CELF2: variants seen among roughly 807,000 people sequenced by gnomAD.
CELF2 encodes the protein CUG triplet repeat RNA-binding protein 2.
CELF2 carries 8 observed loss-of-function variants against 62.6 expected under a neutral mutation model. That is an observed-to-expected ratio of 0.13 (90% CI 0.07 to 0.23). The LOEUF is 0.23. Among genes scored for constraint, CELF2 ranks in the 10% least tolerant of loss-of-function variants. CELF2 has a pLI of 1.00. For missense variants in CELF2, 333 were observed against 671.0 expected (o/e 0.50, Z 5.56); for synonymous variants, 258 against 250.0 (o/e 1.03, Z -0.30).
chr10:10,963,162 T>C (rs1018046928), intron 2 of CELF2, among the ~76,000 whole-genome samples: 2 of 152,120 alleles, frequency 1.3e-5, no homozygotes, highest in African/African-American at 4.8e-5. Flanking sequence ...TGCCTCAGCC[T>C]CCTGCCTCAG....
the CELF2 span, among the ~76,000 whole-genome samples, chr10:10,656,788 G>C: frequency 1.4e-5 from 2 of 142,944 alleles, no homozygotes; most frequent in African/African-American, 2.6e-5. Context: ...GAGTTAGTGG[G>C]TGCAGCGCAC....
chr10:10,833,011 CTCTGTGTGTG>C (rs2057998806), intron 1 of CELF2, among the ~76,000 whole-genome samples: 1 of 102,780 alleles, frequency 9.7e-6, no homozygotes, highest in Non-Finnish European at 2.1e-5. Context: ...ACACAGAAAA[CTCTGTGTGTG>C]TGTGTGTGTG....
chr10:11,335,587 G>A lies in CELF2; in HGVS notation c.*6534G>A, dbSNP rs894474999. ...GCCACCAGCTCCAGCCTGCACGGATGGAGCTCACTTCCTACCATCACTTCT... is the reference window on the plus strand; with the variant it reads ...GCCACCAGCTCCAGCCTGCACGGATAGAGCTCACTTCCTACCATCACTTCT... On this transcript the variant is annotated 3_prime_UTR_variant, in exon 13 of 13. Coordinates refer to ENST00000633077, the MANE Select transcript of CELF2 (RefSeq NM_001326342.2). This position sits in a 1 kb window ranked among gnomAD's most constrained non-coding sequence, Gnocchi z 5.0. 6.6e-6 allele frequency: 1 copy of A among 152,230 alleles called. No homozygotes were observed. The highest frequency in any genetic ancestry group is 1.5e-5 in the Non-Finnish European group (1 of 68,060). The allele number at this position is 152,230 out of a possible 1,614,324, so 9.4% of individuals were successfully genotyped here.
chr10:10,874,123 G>A (rs1057011310), intron 1 of CELF2, among the ~76,000 whole-genome samples: 11 of 152,132 alleles, frequency 7.2e-5, no homozygotes, highest in Non-Finnish European at 7.3e-5. Flanking sequence ...ACCAGCCAGG[G>A]CAACGTAGCA....
chr10:10,749,233 G>T, the CELF2 span, among the ~76,000 whole-genome samples: 3 of 152,124 alleles, frequency 2.0e-5, no homozygotes, highest in African/African-American at 7.2e-5. Context: ...CATGATTCTA[G>T]ATCTACAGGA....
rs563394267 is a variant in CELF2 at position 11,255,584 on chromosome 10, G to A, written c.404-2154G>A. On this transcript the variant is annotated intron_variant, in intron 4 of 12. Transcript: ENST00000633077. This position sits in a 1 kb window ranked among gnomAD's most constrained non-coding sequence, Gnocchi z 5.5. ...CGTAGTTTACAAGTATTGTGGAATC[G>A]TGCCTTTCAACTTGTATTCCTTGGA... 2.6e-5 allele frequency among the ~76,000 whole-genome samples: 4 copies of A among 152,200 alleles called. No individual in the cohort carries two copies. Among genetic ancestry groups the A allele is most frequent in the South Asian group, 4.2e-4 (2 of 4,814 alleles).
At chr10:10,616,719 T>TGTGA in the CELF2 span, among the ~76,000 whole-genome samples, 89 of 55,254 alleles carry the variant, frequency 1.6e-3, no homozygotes, top group East Asian at 0.026. Flanking sequence ...TGTGTGTGTG[T>TGTGA]GAGAGAGAGA....
chr10:10,604,071 A>G, the CELF2 span, among the ~76,000 whole-genome samples: 42,887 of 151,940 alleles, frequency 0.28, 6,417 homozygotes, highest in South Asian at 0.51. Flanking sequence ...ATTGCCAGGT[A>G]TAGTGGTGGG....
chr10:10,769,958 G>A, the CELF2 span, among the ~76,000 whole-genome samples: 1 of 152,072 alleles, frequency 6.6e-6, no homozygotes, highest in Non-Finnish European at 1.5e-5. Flanking sequence ...TCCAACCAAA[G>A]GATGATGAAG....
the CELF2 span, among the ~76,000 whole-genome samples, chr10:10,769,033 C>T: frequency 7.2e-5 from 11 of 152,106 alleles, no homozygotes; most frequent in African/African-American, 2.4e-4. Context: ...GAGTTTTTGT[C>T]CTCTTCTCAT....
chr10:10,603,056 A>C, the CELF2 span, among the ~76,000 whole-genome samples: 1 of 152,060 alleles, frequency 6.6e-6, no homozygotes, highest in African/African-American at 2.4e-5. Context: ...CCAAGTAGAC[A>C]TAAAGCTGTT....
chr10:10,715,520 A>C, the CELF2 span, among the ~76,000 whole-genome samples: 2 of 152,222 alleles, frequency 1.3e-5, no homozygotes, highest in African/African-American at 4.8e-5. Flanking sequence ...AATTAAAAGA[A>C]AAAACTTAAA....
rs1279307418 is a variant in CELF2, at chr10:11,098,048, C to G, written c.75-67438C>G. The G allele has an allele frequency of 6.6e-6, 1 of 152,314 alleles. No individual in the cohort carries two copies. The highest frequency in any genetic ancestry group is 1.9e-4 in the East Asian group (1 of 5,202). The allele number at this position is 152,314 out of a possible 1,614,324, so 9.4% of individuals were successfully genotyped here. On this transcript the variant is annotated intron_variant, in intron 1 of 12. Coordinates refer to ENST00000633077, the MANE Select transcript of CELF2 (RefSeq NM_001326342.2). The surrounding 1 kb of genome is among the most constrained non-coding windows in gnomAD (Gnocchi z 4.0). ...CAGGCTGTGAGGCCTCATCACTGAA[C>G]CAGGGCTGTCCCTGGGTACTCACCA...
chr10:10,568,085 G>A, the CELF2 span, among the ~76,000 whole-genome samples: 1 of 152,084 alleles, frequency 6.6e-6, no homozygotes, highest in Non-Finnish European at 1.5e-5. Context: ...AGCAAAGGGT[G>A]ATAAGATAGG....
intron 9 of CELF2, among the ~76,000 whole-genome samples, chr10:11,298,143 C>G (rs1385557430): frequency 1.3e-5 from 2 of 152,226 alleles, no homozygotes; most frequent in East Asian, 3.8e-4. Context: ...GAGCTGAAAG[C>G]TGGACTAGAG....
intron 1 of CELF2, among the ~76,000 whole-genome samples, chr10:11,050,233 T>G (rs1269535578): frequency 6.6e-6 from 1 of 152,248 alleles, no homozygotes; most frequent in African/African-American, 2.4e-5. Flanking sequence ...CCGAACTCTT[T>G]GTCCGTGAAG....
the CELF2 span, among the ~76,000 whole-genome samples, chr10:10,705,939 C>T: frequency 1.3e-5 from 2 of 152,200 alleles, no homozygotes; most frequent in African/African-American, 2.4e-5. Context: ...TTATGATGTC[C>T]TTCATGGTCA....
At chr10:10,676,330 T>C in the CELF2 span, among the ~76,000 whole-genome samples, 2 of 152,050 alleles carry the variant, frequency 1.3e-5, no homozygotes, top group Non-Finnish European at 2.9e-5. Context: ...CTGGGTAGAG[T>C]TGAACTTTTT....
chr10:10,807,041 T>A (rs1022690958), intron 1 of CELF2, among the ~76,000 whole-genome samples: 2 of 152,210 alleles, frequency 1.3e-5, no homozygotes, highest in African/African-American at 4.8e-5. Flanking sequence ...CTGGGCCAGA[T>A]GATATTTATA....
Sources: gnomAD v4.1 joint callset for allele counts (sites outside exome capture counted in the v4.1 genomes callset) on GRCh38, gnomAD v4.1.1 for gene constraint, Gnocchi (gnomAD v3.1) non-coding constraint, MANE v1.5 for transcripts, NCBI Gene and HGNC (gene_info 2026-07-23, HGNC 2026-07-21) for gene names.